Variants in SORT1 observed in about 807,000 individuals in gnomAD.
SORT1 encodes sortilin.
A neutral mutation model predicts 101.7 loss-of-function variants in SORT1; 39 were observed. The observed-to-expected ratio is 0.38, with a 90% CI of 0.30 to 0.50. The LOEUF (loss-of-function observed/expected upper bound fraction) is 0.50, where lower values mean the gene tolerates loss of function less well. Among genes scored for constraint, SORT1 ranks in the 20% least tolerant of loss-of-function variants. The probability of loss-of-function intolerance (pLI) is 0.90; values close to 1 mark genes in which losing one functional copy is unlikely to be tolerated. For missense variants in SORT1, 878 were observed against 1,040.4 expected, an observed-to-expected ratio of 0.84 and a Z score of 2.15; for synonymous variants, 396 against 393.7, an observed-to-expected ratio of 1.01 and a Z score of -0.07.
intron 15 of SORT1, among the ~76,000 whole-genome samples, chr1:109,318,260 C>A (rs1489491910): frequency 6.6e-6 from 1 of 151,874 alleles, no homozygotes; most frequent in Non-Finnish European, 1.5e-5. Context: ...TCAAGCGACT[C>A]TCCTGCCTCA....
intron 1 of SORT1, chr1:109,393,333 T>A (rs1653021522): frequency 1.0e-6 from 1 of 983,634 alleles, no homozygotes. Context: ...AAGCAAGAGT[T>A]CCTGGCTTTA....
intron 1 of SORT1, among the ~76,000 whole-genome samples, chr1:109,385,920 A>T (rs1444355162): frequency 6.6e-6 from 1 of 152,200 alleles, no homozygotes; most frequent in East Asian, 1.9e-4. Flanking sequence ...ATTGGTCCAT[A>T]AAGTTCCATC....
intron 14 of SORT1, among the ~76,000 whole-genome samples, chr1:109,323,779 C>CCT (rs1647799903): frequency 6.6e-6 from 1 of 152,196 alleles, no homozygotes; most frequent in Non-Finnish European, 1.5e-5. Context: ...ATACAGCCTG[C>CCT]TAAAGAGCAG....
At chr1:109,385,583 G>A (rs1273603973) in intron 1 of SORT1, among the ~76,000 whole-genome samples, 1 of 152,222 alleles carries the variant, frequency 6.6e-6, no homozygotes, top group Non-Finnish European at 1.5e-5. Context: ...TGAGCCGAGA[G>A]AACCATAAAG....
intron 6 of SORT1, among the ~76,000 whole-genome samples, chr1:109,350,664 C>A (rs2101597077): frequency 6.6e-6 from 1 of 152,244 alleles, no homozygotes; most frequent in South Asian, 2.1e-4. Context: ...GGAGAATGAA[C>A]CCTGGGCAGG....
intron 1 of SORT1, among the ~76,000 whole-genome samples, chr1:109,371,793 C>T (rs909282211): frequency 3.9e-5 from 6 of 152,178 alleles, no homozygotes; most frequent in Middle Eastern, 3.2e-3. Context: ...ACTAGCAAAA[C>T]TGTGGTTTTC....
chr1:109,367,348 G>A (rs1362664214), intron 3 of SORT1, 60 bp downstream of exon 3: 18 of 974,382 alleles, frequency 1.8e-5, no homozygotes, highest in Non-Finnish European at 2.9e-5. Context: ...CTAGAAAAGG[G>A]AGAATCTATA....
At chr1:109,342,270 C>T (rs1350898930) in intron 8 of SORT1, 112 bp from the exon 9 acceptor site, 10 of 802,414 alleles carry the variant, frequency 1.2e-5, no homozygotes, top group Admixed American at 1.1e-4. Flanking sequence ...CTACTGGGTA[C>T]GATTGCTATG....
chr1:109,377,522 T>C (rs1351948584), intron 1 of SORT1, among the ~76,000 whole-genome samples: 4 of 152,236 alleles, frequency 2.6e-5, no homozygotes, highest in African/African-American at 9.6e-5. Flanking sequence ...AAGACACTGT[T>C]ATACACTGGT....
chr1:109,397,868 C>T lies in SORT1; in HGVS notation c.25G>A (p.Asp9Asn), dbSNP rs1466990700. Residue 9 changes from aspartate (D) to asparagine (N), a missense_variant, in exon 1 of 20, where the codon GAC (aspartate) becomes AAC (asparagine). Transcript: ENST00000256637. MERPWGAA[D>N]GLSRWPHGLG... ...CCATGGGGCCAGCGCGAGAGGCCGT[C>T]CGCAGCTCCCCAGGGCCGCTCCATC... 13 of 1,268,930 alleles carry T rather than the reference C, an allele frequency of 1.0e-5. No individual in the cohort carries two copies. Among genetic ancestry groups the T allele is most frequent in the Admixed American group, 9.5e-5 (3 of 31,686 alleles). 78.6% of individuals were successfully genotyped at this position (1,268,930 alleles called of 1,614,324 possible). A position where few individuals can be genotyped will look rare whatever the true frequency, so the allele number is the denominator to read the frequency against.
At chr1:109,355,056 C>CA (rs1650216844) in intron 4 of SORT1, among the ~76,000 whole-genome samples, 1 of 151,654 alleles carries the variant, frequency 6.6e-6, no homozygotes, top group South Asian at 2.1e-4. Flanking sequence ...AAACCCTCTA[C>CA]AAAAAAATAC....
intron 1 of SORT1, among the ~76,000 whole-genome samples, chr1:109,382,250 C>T (rs374950333): frequency 6.6e-6 from 1 of 152,130 alleles, no homozygotes; most frequent in African/African-American, 2.4e-5. Context: ...AGTCTCATGC[C>T]TCAGCCTTCC....
At chr1:109,333,506 C>T (rs1648596002) in intron 11 of SORT1, among the ~76,000 whole-genome samples, 1 of 152,112 alleles carries the variant, frequency 6.6e-6, no homozygotes, top group Non-Finnish European at 1.5e-5. Flanking sequence ...AAAATACTTG[C>T]AAACCATACA....
In SORT1 at chr1:109,326,474, C is replaced by T. The variant is rs879860826; in HGVS notation, c.1643+518G>A. Among the ~76,000 whole-genome samples, 76 of 112,672 alleles carry T rather than the reference C, an allele frequency of 6.7e-4. 1 individual carries two copies. Among genetic ancestry groups the T allele is most frequent in the African/African-American group, 2.1e-3 (62 of 29,496 alleles). The allele number at this position is 112,672 out of a possible 152,430, so 73.9% of individuals were successfully genotyped here. A position where few individuals can be genotyped will look rare whatever the true frequency, so the allele number is the denominator to read the frequency against. ...ATATATATATATATATACATACACA[C>T]ACACACACACATATATATACACACA... On this transcript the variant is annotated intron_variant, in intron 13 of 19. Coordinates refer to ENST00000256637, the MANE Select transcript of SORT1 (RefSeq NM_002959.7).
At chr1:109,350,011 T>C (rs1649856525) in intron 6 of SORT1, among the ~76,000 whole-genome samples, 1 of 152,174 alleles carries the variant, frequency 6.6e-6, no homozygotes, top group East Asian at 1.9e-4. Context: ...ACTAAATAAT[T>C]TAATACTGTT....
chr1:109,339,124 G>A (rs1004781941), intron 10 of SORT1, among the ~76,000 whole-genome samples: 2 of 152,092 alleles, frequency 1.3e-5, no homozygotes, highest in Non-Finnish European at 2.9e-5. Flanking sequence ...TGATCCACCT[G>A]CCTCAGCCTC....
intron 1 of SORT1, among the ~76,000 whole-genome samples, chr1:109,375,515 G>A (rs1450951697): frequency 3.2e-5 from 4 of 123,708 alleles, no homozygotes; most frequent in Non-Finnish European, 4.7e-5. Context: ...CTGCACTCCA[G>A]CCTGGGCGAC....
chr1:109,335,569 G>A (rs569403603), intron 11 of SORT1, among the ~76,000 whole-genome samples: 5 of 152,178 alleles, frequency 3.3e-5, no homozygotes, highest in South Asian at 2.1e-4. Flanking sequence ...AGGAGGGTTC[G>A]GGAACTACCG....
intron 15 of SORT1, among the ~76,000 whole-genome samples, chr1:109,318,953 T>C (rs1191305754): frequency 6.6e-6 from 1 of 152,236 alleles, no homozygotes; most frequent in Non-Finnish European, 1.5e-5. Context: ...CTAATTTTTG[T>C]ATTTTCTGTA....
Sources: gnomAD v4.1 joint callset for allele counts (sites outside exome capture counted in the v4.1 genomes callset) on GRCh38, gnomAD v4.1.1 for gene constraint, MANE v1.5 for transcripts, NCBI Gene and HGNC (gene_info 2026-07-23, HGNC 2026-07-21) for gene names.